ODF2L: variants seen among roughly 807,000 people sequenced by gnomAD.
ODF2L encodes outer dense fiber of sperm tails 2 like.
Under a neutral mutation model 86.3 loss-of-function variants are expected in ODF2L, and 76 were observed. That is an observed-to-expected ratio of 0.88 (90% CI 0.73 to 1.07). ODF2L has a LOEUF of 1.07. ODF2L is among the 50% of genes least tolerant of loss of function. The pLI is 0.00. For synonymous variants in ODF2L, 241 were observed against 231.3 expected (o/e 1.04, Z -0.38); for missense variants, 748 against 717.4 (o/e 1.04, Z -0.49).
chr1:86,372,588 G>T, intron 8 of ODF2L, 48 bp from the exon 9 acceptor site: 1 of 1,035,546 alleles, frequency 9.7e-7, no homozygotes, highest in Non-Finnish European at 1.4e-6. Flanking sequence ...AAACATTTTT[G>T]TTTTGTTCAG....
intron 7 of ODF2L, among the ~76,000 whole-genome samples, chr1:86,377,657 G>A (rs1321041505): frequency 6.6e-6 from 1 of 152,206 alleles, no homozygotes; most frequent in East Asian, 1.9e-4. Flanking sequence ...AACACCACAT[G>A]GAAGTTGCCA....
At chr1:86,390,738 G>T (rs546062754) in intron 1 of ODF2L, among the ~76,000 whole-genome samples, 2 of 152,216 alleles carry the variant, frequency 1.3e-5, no homozygotes, top group Admixed American at 1.3e-4. Flanking sequence ...ACTGAATGGG[G>T]AAAAGTTGAA....
At chr1:86,382,272 G>A (rs272516) in exon 7 of ODF2L, 508,211 of 1,609,732 alleles carry the variant, frequency 0.32, 82,551 homozygotes, top group African/African-American at 0.5. Flanking sequence ...TATCGTTCTC[G>A]GCTTCCCTTT....
chr1:86,371,568 T>C (rs1659786600), intron 9 of ODF2L, among the ~76,000 whole-genome samples: 1 of 152,192 alleles, frequency 6.6e-6, no homozygotes, highest in African/African-American at 2.4e-5. Flanking sequence ...TTATATATGG[T>C]AGTTTTCAAT....
At chr1:86,353,653 G>C (rs1658315016) in intron 16 of ODF2L, among the ~76,000 whole-genome samples, 2 of 152,170 alleles carry the variant, frequency 1.3e-5, no homozygotes, top group South Asian at 4.1e-4. Context: ...GGAGCTAGTG[G>C]AAAGGACTGT....
chr1:86,371,691 C>CT (rs1409853303), intron 9 of ODF2L, among the ~76,000 whole-genome samples: 1 of 151,960 alleles, frequency 6.6e-6, no homozygotes, highest in African/African-American at 2.4e-5. Flanking sequence ...TTTTCATTTT[C>CT]TTTGTTATGC....
chr1:86,384,313 T>A (rs1253412757), intron 4 of ODF2L, among the ~76,000 whole-genome samples: 9 of 151,782 alleles, frequency 5.9e-5, no homozygotes, highest in Admixed American at 5.2e-4. Flanking sequence ...ATAATTTAAA[T>A]GGAAGAACTG....
chr1:86,348,731 A>C (rs1194441810), downstream of ODF2L: 3 of 1,447,202 alleles, frequency 2.1e-6, no homozygotes, highest in East Asian at 8.0e-5. Context: ...TACTACTTAG[A>C]GAAAATAAAT....
chr1:86,353,544 A>C (rs1309922615), intron 16 of ODF2L, among the ~76,000 whole-genome samples: 1 of 152,168 alleles, frequency 6.6e-6, no homozygotes, highest in Non-Finnish European at 1.5e-5. Context: ...TGTTCATCTA[A>C]GGAATCAGAT....
At chr1:86,381,564 T>G (rs1322634432) in intron 7 of ODF2L, among the ~76,000 whole-genome samples, 2 of 152,028 alleles carry the variant, frequency 1.3e-5, no homozygotes, top group Admixed American at 1.3e-4. Flanking sequence ...CAATGGAGTT[T>G]GAGTCTCTGT....
chr1:86,383,274 T>C, intron 4 of ODF2L, 78 bp from the exon 5 acceptor site: 1 of 634,644 alleles, frequency 1.6e-6, no homozygotes, highest in Non-Finnish European at 2.7e-6. Context: ...AAATAAGCAC[T>C]ACTCAATAAA....
downstream of ODF2L, chr1:86,349,741 A>G (rs1657999686): frequency 6.6e-6 from 1 of 152,184 alleles, no homozygotes; most frequent in African/African-American, 2.4e-5. Flanking sequence ...TAAGACTTCA[A>G]AGACATTTCA....
At chr1:86,383,950 C>G (rs1337012908) in intron 4 of ODF2L, among the ~76,000 whole-genome samples, 1 of 151,698 alleles carries the variant, frequency 6.6e-6, no homozygotes, top group Non-Finnish European at 1.5e-5. Context: ...CGTATATATG[C>G]ACACGTAACA....
rs745382399 is a variant in ODF2L at position 86,386,967 on chromosome 1, T to C, written c.61A>G (p.Ile21Val). The C allele has an allele frequency of 4.4e-6, 7 of 1,598,208 alleles. No individual in the cohort carries two copies. In the East Asian group the frequency reaches 9.2e-5, roughly 21 times the overall value. ...CGTGGTAAATCTTCTTTCTCTGATA[T>C]AGTTTTAAGATGGCAAAAGAGTTCT... Residue 21 changes from isoleucine to valine, a missense_variant, in exon 2 of 18, where the codon ATA becomes GTA. Physicochemically the swap from Ile to Val is conservative, Grantham distance 29. Coordinates refer to ENST00000317336, the Ensembl canonical transcript of ODF2L.
At chr1:86,382,077 C>A in intron 7 of ODF2L, 165 bp downstream of exon 7, 1 of 989,904 alleles carries the variant, frequency 1.0e-6, no homozygotes, top group Admixed American at 4.2e-5. Flanking sequence ...TGTACCCAAA[C>A]CTTTAGTTAG....
chr1:86,367,192 G>A (rs1659499106), intron 11 of ODF2L, among the ~76,000 whole-genome samples: 1 of 152,266 alleles, frequency 6.6e-6, no homozygotes, highest in South Asian at 2.1e-4. Context: ...AAAGTTCTCA[G>A]TAAAAATTAC....
intron 10 of ODF2L, among the ~76,000 whole-genome samples, chr1:86,369,403 T>C (rs899898507): frequency 1.3e-5 from 2 of 152,186 alleles, no homozygotes; most frequent in Non-Finnish European, 2.9e-5. Context: ...CTATAACGTA[T>C]ATCACTTAGA....
At chr1:86,370,558 A>G (rs1353009640) in intron 10 of ODF2L, among the ~76,000 whole-genome samples, 1 of 152,120 alleles carries the variant, frequency 6.6e-6, no homozygotes, top group African/African-American at 2.4e-5. Flanking sequence ...GAGAACTCAA[A>G]TATCTTTTTT....
At chr1:86,358,581 A>C in intron 13 of ODF2L, 1 of 255,286 alleles carries the variant, frequency 3.9e-6, no homozygotes, top group Non-Finnish European at 7.3e-6. Flanking sequence ...AATATTAACA[A>C]AAAAGTGAAA....
Sources: allele counts gnomAD v4.1 joint callset (sites outside exome capture counted in the v4.1 genomes callset), GRCh38; gene constraint gnomAD v4.1.1; transcripts MANE v1.5; gene names NCBI Gene and HGNC (gene_info 2026-07-23, HGNC 2026-07-21).